Variants in PDE11A observed in about 807,000 individuals in gnomAD.
PDE11A encodes dual 3',5'-cyclic-AMP and -GMP phosphodiesterase 11A.
In PDE11A, 100 loss-of-function variants were observed where a neutral mutation model predicts 100.5. The observed-to-expected ratio is 1.00, with a 90% CI of 0.85 to 1.18. The LOEUF (loss-of-function observed/expected upper bound fraction) is 1.18, where lower values mean the gene tolerates loss of function less well. PDE11A is among the 50% of genes most tolerant of loss of function. The pLI is 0.00. For missense variants in PDE11A, 1,141 were observed against 1,152.6 expected (o/e 0.99, Z 0.15); for synonymous variants, 381 against 420.8 (o/e 0.91, Z 1.16).
At chr2:177,630,468 C>G (rs1410237207) in intron 19 of PDE11A, among the ~76,000 whole-genome samples, 1 of 151,990 alleles carries the variant, frequency 6.6e-6, no homozygotes, top group Non-Finnish European at 1.5e-5. Context: ...GAGGGCTTCT[C>G]CAAGATAGGG....
chr2:177,886,261 C>T (rs535265350), intron 4 of PDE11A, among the ~76,000 whole-genome samples: 96 of 152,286 alleles, frequency 6.3e-4, no homozygotes, highest in African/African-American at 2.2e-3. Flanking sequence ...TCCTTCTTCC[C>T]AGTCTAATGG....
At chr2:177,749,448 G>A (rs1161840013) in intron 10 of PDE11A, among the ~76,000 whole-genome samples, 1 of 152,030 alleles carries the variant, frequency 6.6e-6, no homozygotes, top group Non-Finnish European at 1.5e-5. Flanking sequence ...TCTTCCCAGA[G>A]GTTAACAAAC....
intron 9 of PDE11A, among the ~76,000 whole-genome samples, chr2:177,777,307 T>A (rs922111359): frequency 1.3e-5 from 2 of 152,140 alleles, no homozygotes; most frequent in Non-Finnish European, 2.9e-5. Flanking sequence ...CATAACCTCA[T>A]TAACCTAAGA....
chr2:178,013,770 A>G (rs969208135), intron 2 of PDE11A, among the ~76,000 whole-genome samples: 1 of 152,218 alleles, frequency 6.6e-6, no homozygotes, highest in East Asian at 1.9e-4. Flanking sequence ...TTTCAGAGCA[A>G]AAAGTACATT....
intron 2 of PDE11A, among the ~76,000 whole-genome samples, chr2:177,993,351 A>G (rs998393847): frequency 2.0e-4 from 30 of 151,332 alleles, no homozygotes; most frequent in African/African-American, 6.3e-4. Flanking sequence ...AAATCTCGAA[A>G]CCTCTTTATT....
intron 1 of PDE11A, chr2:178,105,734 C>G (rs1247874892): frequency 9.0e-7 from 1 of 1,116,058 alleles, no homozygotes; most frequent in Non-Finnish European, 1.2e-6. Context: ...AGCCTGGCAC[C>G]CAATATCACC....
At chr2:178,100,215 G>T (rs2087545764) in intron 2 of PDE11A, among the ~76,000 whole-genome samples, 1 of 152,166 alleles carries the variant, frequency 6.6e-6, no homozygotes. Context: ...TGTAAGTTAA[G>T]ATGGTTAAAA....
At chr2:177,920,571 G>A (rs2085025430) in intron 2 of PDE11A, among the ~76,000 whole-genome samples, 1 of 152,034 alleles carries the variant, frequency 6.6e-6, no homozygotes, top group South Asian at 2.1e-4. Flanking sequence ...TAATTATTGA[G>A]GGAGATTCAT....
At chr2:177,815,457 GT>G (rs1167550724) in intron 9 of PDE11A, among the ~76,000 whole-genome samples, 1 of 152,102 alleles carries the variant, frequency 6.6e-6, no homozygotes, top group Non-Finnish European at 1.5e-5. Context: ...TATAGATACT[GT>G]TTTTAGTCCT....
intron 12 of PDE11A, among the ~76,000 whole-genome samples, chr2:177,712,965 T>A (rs1292116967): frequency 6.6e-6 from 1 of 152,190 alleles, no homozygotes; most frequent in Non-Finnish European, 1.5e-5. Context: ...AAATTGGTTA[T>A]GTTTGTGTTG....
At chr2:177,931,672 G>A (rs949632885) in intron 2 of PDE11A, among the ~76,000 whole-genome samples, 7 of 152,022 alleles carry the variant, frequency 4.6e-5, no homozygotes, top group Non-Finnish European at 8.8e-5. Flanking sequence ...AAAGTTTATA[G>A]CACTAAACGT....
intron 2 of PDE11A, chr2:177,922,831 T>C (rs1368437185): frequency 4.1e-6 from 4 of 984,632 alleles, no homozygotes; most frequent in Non-Finnish European, 4.8e-6. Flanking sequence ...TCCCTCTACA[T>C]TTCTTGTATT....
At chr2:177,868,762 C>T (rs1417720793) in intron 5 of PDE11A, among the ~76,000 whole-genome samples, 1 of 152,130 alleles carries the variant, frequency 6.6e-6, no homozygotes, top group Admixed American at 6.5e-5. Flanking sequence ...GTTTTGAGGC[C>T]GTCACTTATT....
At chr2:177,819,866 CTT>C (rs61131163) in intron 7 of PDE11A, among the ~76,000 whole-genome samples, 87 of 84,168 alleles carry the variant, frequency 1.0e-3, no homozygotes, top group African/African-American at 5.1e-3. Context: ...CTCTTTCTCT[CTT>C]TCTCTCTCTC....
intron 2 of PDE11A, among the ~76,000 whole-genome samples, chr2:177,944,700 C>T (rs1210256259): frequency 6.6e-6 from 1 of 152,200 alleles, no homozygotes; most frequent in African/African-American, 2.4e-5. Context: ...TCGGCTTCCT[C>T]CCTCCTCCGA....
chr2:178,071,040 A>G (rs2087119738), intron 1 of PDE11A, among the ~76,000 whole-genome samples: 2 of 152,204 alleles, frequency 1.3e-5, no homozygotes, highest in African/African-American at 4.8e-5. Context: ...GGAACAGGGA[A>G]GTAGTTAAGC....
intron 2 of PDE11A, among the ~76,000 whole-genome samples, chr2:177,934,392 C>A (rs375609896): frequency 3.9e-5 from 6 of 152,328 alleles, no homozygotes; most frequent in Admixed American, 3.3e-4. Flanking sequence ...AAATGCTCCA[C>A]ATTACTAATC....
chr2:177,665,466 T>G (rs1307827909), intron 18 of PDE11A, among the ~76,000 whole-genome samples: 2 of 142,880 alleles, frequency 1.4e-5, no homozygotes, highest in African/African-American at 5.2e-5. Flanking sequence ...GGTGACAGAG[T>G]GAGACTCAGT....
chr2:177,754,896 G>A (rs1371457814), intron 10 of PDE11A, among the ~76,000 whole-genome samples: 3 of 152,220 alleles, frequency 2.0e-5, no homozygotes, highest in Admixed American at 2.0e-4. Context: ...AGTAGATTAG[G>A]AATTGAGCTA....
Sources: allele counts gnomAD v4.1 joint callset (sites outside exome capture counted in the v4.1 genomes callset), GRCh38; gene constraint gnomAD v4.1.1; transcripts MANE v1.5; gene names NCBI Gene and HGNC (gene_info 2026-07-23, HGNC 2026-07-21).